The following HPSE2 variants were observed in gnomAD, a reference collection of about 807,000 sequenced individuals.
HPSE2 encodes heparanase 2 (inactive), also known as inactive heparanase-2.
In HPSE2, 38 loss-of-function variants were observed where a neutral mutation model predicts 60.5. That is an observed-to-expected ratio of 0.63 (90% CI 0.48 to 0.82). The LOEUF (loss-of-function observed/expected upper bound fraction) is 0.82. Among genes scored for constraint, HPSE2 ranks in the 40% least tolerant of loss-of-function variants. HPSE2 has a pLI of 0.00. For synonymous variants in HPSE2, 295 were observed against 293.2 expected (o/e 1.01, Z -0.06); for missense variants, 713 against 740.4 (o/e 0.96, Z 0.43).
the HPSE2 span, among the ~76,000 whole-genome samples, chr10:99,311,770 C>T: frequency 1.3e-5 from 2 of 152,124 alleles, 1 homozygote; most frequent in South Asian, 4.1e-4. Context: ...AATAATTAAG[C>T]TTAGTGAGGA....
chr10:98,572,759 C>T (rs1445367928), intron 9 of HPSE2, among the ~76,000 whole-genome samples: 1 of 152,226 alleles, frequency 6.6e-6, no homozygotes, highest in Non-Finnish European at 1.5e-5. Context: ...TAGTCACAGG[C>T]TCCACATGCC....
chr10:98,690,125 C>T (rs1237004500), intron 6 of HPSE2, among the ~76,000 whole-genome samples: 1 of 152,174 alleles, frequency 6.6e-6, no homozygotes, highest in African/African-American at 2.4e-5. Context: ...GGAGTTCCTT[C>T]TTTTTGAGAT....
chr10:98,476,224 CA>C (rs1239842724), intron 11 of HPSE2, among the ~76,000 whole-genome samples: 1 of 146,500 alleles, frequency 6.8e-6, no homozygotes, highest in African/African-American at 2.6e-5. Context: ...AACACAAGGA[CA>C]AAAAACCAAA....
At chr10:99,204,444 A>G (rs1479233674) in intron 2 of HPSE2, among the ~76,000 whole-genome samples, 2 of 152,238 alleles carry the variant, frequency 1.3e-5, no homozygotes, top group Non-Finnish European at 2.9e-5. Context: ...AAAAATTCAA[A>G]TAAGTTCCTA....
intron 3 of HPSE2, among the ~76,000 whole-genome samples, chr10:99,109,315 G>C (rs1844367834): frequency 6.6e-6 from 1 of 151,742 alleles, no homozygotes; most frequent in African/African-American, 2.4e-5. Flanking sequence ...AATGTATCAG[G>C]GTAAAACTTG....
intron 3 of HPSE2, among the ~76,000 whole-genome samples, chr10:99,033,747 ACTGCACTCCAG>A (rs1350468128): frequency 6.6e-6 from 1 of 151,988 alleles, no homozygotes; most frequent in Admixed American, 6.6e-5. Flanking sequence ...GGCGCCACTC[ACTGCACTCCAG>A]CCTGAGTGAC....
At chr10:98,476,023 C>T (rs562722936) in intron 11 of HPSE2, among the ~76,000 whole-genome samples, 4 of 151,926 alleles carry the variant, frequency 2.6e-5, no homozygotes, top group Middle Eastern at 3.4e-3. Flanking sequence ...CACATGCACA[C>T]GTATGTTTAT....
chr10:98,772,368 A>G (rs1950259420), intron 3 of HPSE2, among the ~76,000 whole-genome samples: 1 of 152,164 alleles, frequency 6.6e-6, no homozygotes, highest in Admixed American at 6.5e-5. Context: ...AAGAGTCCTG[A>G]TCCTTTGCTA....
Position 98,693,895 on chromosome 10 carries a change from C to T in HPSE2, c.1004+5G>A. ...TAAGTAAGAGCAAAAATGGTGAATACCTACTGTTGCCAGGTAACTGCATCT... is the reference window on the plus strand; with the variant it reads ...TAAGTAAGAGCAAAAATGGTGAATATCTACTGTTGCCAGGTAACTGCATCT... On this transcript the variant is annotated splice_donor_5th_base_variant and intron_variant, in intron 6 of 11. Coordinates refer to ENST00000370552, the MANE Select transcript of HPSE2 (RefSeq NM_021828.5). The T allele has an allele frequency of 6.2e-7, 1 of 1,608,466 alleles. No homozygotes were observed. Among genetic ancestry groups the T allele is most frequent in the South Asian group, 1.1e-5 (1 of 90,958 alleles).
At chr10:98,960,819 A>T (rs866552718) in intron 3 of HPSE2, among the ~76,000 whole-genome samples, 12 of 142,204 alleles carry the variant, frequency 8.4e-5, no homozygotes, top group African/African-American at 2.6e-4. Context: ...TACATGTGCC[A>T]TGCTGGTGCG....
At chr10:98,955,732 T>C (rs1955492770) in intron 3 of HPSE2, among the ~76,000 whole-genome samples, 1 of 152,008 alleles carries the variant, frequency 6.6e-6, no homozygotes, top group Admixed American at 6.6e-5. Flanking sequence ...ATAGACTGCA[T>C]AAAGAAAATG....
rs987523207 is a variant in HPSE2, at chr10:98,549,399, T to C, written c.1321-59203A>G. Reference sequence around the variant, plus strand: ...GAATGAAGATAAATGTCGTATTCATTAAAGGTCCTCTTTCCTCTGGCCTCC... The same window carrying C: ...GAATGAAGATAAATGTCGTATTCATCAAAGGTCCTCTTTCCTCTGGCCTCC... On this transcript the variant is annotated intron_variant, in intron 9 of 11. Transcript: ENST00000370552. Among the ~76,000 whole-genome samples the C allele has an allele frequency of 3.5e-4, 54 of 152,124 alleles. No individual in the cohort carries two copies. The East Asian group carries it at 7.4e-3, about 21-fold the overall frequency.
chr10:98,773,157 A>C (rs2134426595), intron 3 of HPSE2, among the ~76,000 whole-genome samples: 1 of 152,200 alleles, frequency 6.6e-6, no homozygotes, highest in East Asian at 1.9e-4. Context: ...TTAATTCAGT[A>C]GGGACATATG....
chr10:98,459,443 C>G lies in HPSE2; in HGVS notation c.*131G>C. ...CATTTAGTCTCTTTGGAGAGCAAGT[C>G]TGTGTTGATTCCAGCAGGATGGGGC... On this transcript the variant is annotated 3_prime_UTR_variant, in exon 12 of 12. Transcript: ENST00000370552. 1 of 1,000,334 alleles carries G rather than the reference C, an allele frequency of 1.0e-6. No individual in the cohort carries two copies. Among genetic ancestry groups the G allele is most frequent in the Non-Finnish European group, 1.6e-6 (1 of 625,904 alleles). The allele number at this position is 1,000,334 out of a possible 1,614,324, so 62.0% of individuals were successfully genotyped here.
intron 3 of HPSE2, among the ~76,000 whole-genome samples, chr10:98,794,293 T>A (rs1436546340): frequency 1.3e-5 from 2 of 150,708 alleles, no homozygotes; most frequent in Non-Finnish European, 2.9e-5. Flanking sequence ...GAGGCTAGAA[T>A]GCAGTGGTGA....
chr10:99,103,684 T>A lies in HPSE2; in HGVS notation c.610+40554A>T, dbSNP rs7074633. Among the ~76,000 whole-genome samples the A allele has an allele frequency of 3.2e-3, 488 of 152,068 alleles. 3 individuals are homozygous for A. Among genetic ancestry groups the A allele is most frequent in the African/African-American group, 0.011 (460 of 41,452 alleles). ...AGAGCCCGCATTGCCAAGACAATCC[T>A]AAGCCAAAAGAACAAAACTGGAGGC... On this transcript the variant is annotated intron_variant, in intron 3 of 11. Coordinates refer to ENST00000370552, the MANE Select transcript of HPSE2 (RefSeq NM_021828.5).
intron 4 of HPSE2, among the ~76,000 whole-genome samples, chr10:98,730,785 A>C (rs1025861579): frequency 1.3e-5 from 2 of 152,244 alleles, no homozygotes; most frequent in Non-Finnish European, 2.9e-5. Flanking sequence ...ATATAGACAC[A>C]TAACAACAAC....
In HPSE2 at chr10:99,095,238, C is replaced by A. The variant is rs570454340; in HGVS notation, c.610+49000G>T. ...GAATATGAGAAAAGTTGTTTTGGTACATAGATATTCACAACTATCATTGCA... is the reference window on the plus strand; with the variant it reads ...GAATATGAGAAAAGTTGTTTTGGTAAATAGATATTCACAACTATCATTGCA... On this transcript the variant is annotated intron_variant, in intron 3 of 11. Coordinates refer to ENST00000370552, the MANE Select transcript of HPSE2 (RefSeq NM_021828.5). Among the ~76,000 whole-genome samples, 3 of 152,134 alleles carry A rather than the reference C, an allele frequency of 2.0e-5. No homozygotes were observed. The South Asian group carries it at 6.2e-4, about 32-fold the overall frequency.
At chr10:98,675,262 C>T (rs1947606791) in intron 6 of HPSE2, among the ~76,000 whole-genome samples, 1 of 152,096 alleles carries the variant, frequency 6.6e-6, no homozygotes, top group South Asian at 2.1e-4. Flanking sequence ...CAGATCTCAC[C>T]TTCTAAAAGA....
Sources: gnomAD v4.1 joint callset for allele counts (sites outside exome capture counted in the v4.1 genomes callset) on GRCh38, gnomAD v4.1.1 for gene constraint, MANE v1.5 for transcripts, NCBI Gene and HGNC (gene_info 2026-07-23, HGNC 2026-07-21) for gene names.